The following TNRC6B variants were observed in gnomAD, a reference collection of about 807,000 sequenced individuals.
The protein encoded by TNRC6B is trinucleotide repeat-containing gene 6B protein.
In TNRC6B, 52 loss-of-function variants were observed where a neutral mutation model predicts 203.6. The observed-to-expected ratio is 0.26, with a 90% CI of 0.20 to 0.32. TNRC6B has a LOEUF of 0.32. Ranked by LOEUF, TNRC6B falls within the 10% of genes least tolerant of loss-of-function variation. The pLI, the probability that TNRC6B is intolerant of heterozygous loss-of-function variation, is 1.00. For missense variants in TNRC6B, 1,923 were observed against 2,286.2 expected (o/e 0.84, Z 3.24); for synonymous variants, 838 against 845.7 (o/e 0.99, Z 0.16).
chr22:40,188,837 A>C (rs574153129), intron 1 of TNRC6B, among the ~76,000 whole-genome samples: 1 of 152,336 alleles, frequency 6.6e-6, no homozygotes, highest in Admixed American at 6.5e-5. Flanking sequence ...CTTTCTGATA[A>C]TAAGTGTATG....
chr22:40,234,015 G>C (rs527437811), intron 1 of TNRC6B, among the ~76,000 whole-genome samples: 19 of 152,148 alleles, frequency 1.2e-4, no homozygotes, highest in Non-Finnish European at 2.2e-4. Flanking sequence ...GGCCGAGTGC[G>C]GTGCTCACAC....
chr22:40,085,699 A>G (rs940941178), intron 1 of TNRC6B, among the ~76,000 whole-genome samples: 2 of 152,258 alleles, frequency 1.3e-5, no homozygotes, highest in African/African-American at 2.4e-5. Context: ...CAAGAGGCAC[A>G]TAATAACCAG....
chr22:40,096,319 A>G (rs1271095410), intron 1 of TNRC6B, among the ~76,000 whole-genome samples: 3 of 152,354 alleles, frequency 2.0e-5, no homozygotes, highest in African/African-American at 7.2e-5. Context: ...CTAAGAAACC[A>G]TGGTTGTTAT....
chr22:40,062,383 A>AT (rs2067860811), intron 1 of TNRC6B, among the ~76,000 whole-genome samples: 1 of 151,466 alleles, frequency 6.6e-6, no homozygotes, highest in Non-Finnish European at 1.5e-5. Context: ...TGATTTTTGT[A>AT]TTTTTACTTG....
intron 12 of TNRC6B, among the ~76,000 whole-genome samples, 174 bp downstream of exon 12, chr22:40,285,944 C>T (rs1386188583): frequency 2.6e-5 from 4 of 152,166 alleles, no homozygotes; most frequent in African/African-American, 9.7e-5. Flanking sequence ...TATGAAATAT[C>T]TAGCTGCCAA....
Position 40,046,934 on chromosome 22 carries a change from C to T in TNRC6B, c.-121+1936C>T, listed in dbSNP as rs139216626. Among the ~76,000 whole-genome samples, 276 of 152,204 alleles carry T rather than the reference C, an allele frequency of 1.8e-3. 1 individual carries two copies. The highest frequency in any genetic ancestry group is 5.8e-3 in the African/African-American group (239 of 41,528). ...TGCTGGGATTACAGGCGTGAGCCAC[C>T]GCGCCCGGCCTTAAAAATGTTTTCA... On this transcript the variant is annotated intron_variant, in intron 1 of 23. Coordinates refer to the TNRC6B transcript ENST00000301923.
intron 1 of TNRC6B, among the ~76,000 whole-genome samples, chr22:40,212,727 G>T (rs2069581594): frequency 6.6e-6 from 1 of 152,128 alleles, no homozygotes; most frequent in African/African-American, 2.4e-5. Context: ...CTGGAGTGCA[G>T]TGGTGTGATC....
intron 12 of TNRC6B, among the ~76,000 whole-genome samples, chr22:40,296,326 A>ATTTTTT (rs951987835): frequency 2.4e-5 from 3 of 125,460 alleles, no homozygotes; most frequent in Non-Finnish European, 3.4e-5. Context: ...AGAATGGTGA[A>ATTTTTT]TTTTTTTTTT....
At chr22:40,270,075 C>T (rs1409776221) in intron 5 of TNRC6B, 47 bp from the exon 6 acceptor site, 2 of 1,543,552 alleles carry the variant, frequency 1.3e-6, no homozygotes, top group Admixed American at 3.9e-5. Flanking sequence ...GATATTATGG[C>T]ATTTCATTTA....
intron 1 of TNRC6B, among the ~76,000 whole-genome samples, chr22:40,219,836 A>G (rs767234085): frequency 6.6e-6 from 1 of 152,100 alleles, no homozygotes; most frequent in Non-Finnish European, 1.5e-5. Context: ...ATTGATTACT[A>G]CTGGAATCCT....
At position 40,198,629 on chromosome 22, in the gene TNRC6B, A is replaced by G. The variant is rs146032957; in HGVS notation, c.5+20489A>G. On this transcript the variant is annotated intron_variant, in intron 1 of 22. Coordinates refer to ENST00000454349, the MANE Select transcript of TNRC6B (RefSeq NM_001162501.2). ...TATGTTCAGGATAATGGCCCCCAGC[A>G]GCTCTCACTGTTGAAGAACATTACA... 1.4e-4 allele frequency among the ~76,000 whole-genome samples: 21 copies of G among 152,238 alleles called. No individual in the cohort carries two copies. The East Asian group carries it at 3.5e-3, about 25-fold the overall frequency.
intron 15 of TNRC6B, among the ~76,000 whole-genome samples, chr22:40,307,863 T>G (rs958525089): frequency 2.0e-5 from 3 of 152,144 alleles, no homozygotes; most frequent in African/African-American, 7.2e-5. Context: ...ACTATCTTCT[T>G]ATCCTAGAGA....
chr22:40,158,122 G>C (rs1281623713), intron 4 of TNRC6B, among the ~76,000 whole-genome samples: 1 of 152,098 alleles, frequency 6.6e-6, no homozygotes, highest in East Asian at 1.9e-4. Context: ...TGGATCACTT[G>C]AGGTTGGGAG....
At chr22:40,128,282 G>A (rs569357896) in intron 3 of TNRC6B, among the ~76,000 whole-genome samples, 9 of 152,156 alleles carry the variant, frequency 5.9e-5, no homozygotes, top group Admixed American at 2.6e-4. Context: ...CTCCTCCTCC[G>A]AGGGTGTAAA....
intron 1 of TNRC6B, among the ~76,000 whole-genome samples, chr22:40,185,180 G>A (rs906005335): frequency 5.3e-5 from 8 of 152,052 alleles, no homozygotes; most frequent in Non-Finnish European, 1.0e-4. Context: ...TAGTAGAGAC[G>A]AGGTTTCACC....
At chr22:40,255,459 C>T (rs751496739) in intron 3 of TNRC6B, among the ~76,000 whole-genome samples, 2 of 152,016 alleles carry the variant, frequency 1.3e-5, no homozygotes, top group Non-Finnish European at 2.9e-5. Context: ...TGGAGGGGTC[C>T]CCTCCATTAA....
intron 1 of TNRC6B, among the ~76,000 whole-genome samples, chr22:40,199,927 C>A (rs1569018070): frequency 6.6e-6 from 1 of 152,000 alleles, no homozygotes; most frequent in Non-Finnish European, 1.5e-5. Context: ...ATCCTCCCTA[C>A]TAGCTGGGAT....
intron 4 of TNRC6B, among the ~76,000 whole-genome samples, chr22:40,161,492 T>C (rs981577584): frequency 2.0e-5 from 3 of 152,202 alleles, no homozygotes; most frequent in African/African-American, 4.8e-5. Context: ...ATTTAACGTT[T>C]TGACCATAGG....
At chr22:40,056,349 G>A (rs1342820592) in intron 1 of TNRC6B, among the ~76,000 whole-genome samples, 1 of 152,234 alleles carries the variant, frequency 6.6e-6, no homozygotes, top group African/African-American at 2.4e-5. Flanking sequence ...TTCTGTGTAT[G>A]TATTTGATCT....
Sources: allele counts gnomAD v4.1 joint callset (sites outside exome capture counted in the v4.1 genomes callset), GRCh38; gene constraint gnomAD v4.1.1; transcripts MANE v1.5; gene names NCBI Gene and HGNC (gene_info 2026-07-23, HGNC 2026-07-21).